The following ANK2 variants were observed in gnomAD, a reference collection of about 807,000 sequenced individuals.
ANK2 encodes the protein ankyrin 2.
In ANK2, 83 loss-of-function variants were observed where a neutral mutation model predicts 360.5. The ratio of observed to expected loss-of-function variants is 0.23; its 90% CI spans 0.19 to 0.28. The LOEUF (loss-of-function observed/expected upper bound fraction) is 0.28. Ranked by LOEUF, ANK2 falls within the 10% of genes least tolerant of loss-of-function variation. ANK2 has a pLI of 1.00. For synonymous variants in ANK2, 1,740 were observed against 1,759.5 expected, an observed-to-expected ratio of 0.99 and a Z score of 0.28; for missense variants, 4,201 against 4,795.7, an observed-to-expected ratio of 0.88 and a Z score of 3.66.
chr4:113,261,164 G>A (rs902395593), intron 13 of ANK2, among the ~76,000 whole-genome samples: 1 of 152,026 alleles, frequency 6.6e-6, no homozygotes, highest in Non-Finnish European at 1.5e-5. Flanking sequence ...AGGTGTACCA[G>A]TAACTCAATC....
chr4:113,323,118 G>A (rs1228206737), intron 26 of ANK2, among the ~76,000 whole-genome samples: 1 of 152,016 alleles, frequency 6.6e-6, no homozygotes, highest in Non-Finnish European at 1.5e-5. Flanking sequence ...AAGAGTGAAA[G>A]GTAGAACTAT....
chr4:113,196,314 C>A, intron 2 of ANK2, 54 bp from the exon 3 acceptor site: 3 of 1,234,640 alleles, frequency 2.4e-6, no homozygotes, highest in Non-Finnish European at 3.5e-6. Flanking sequence ...AGGATCAGGG[C>A]ACTATTTTCC....
intron 2 of ANK2, among the ~76,000 whole-genome samples, chr4:113,195,823 G>GT (rs2098738601): frequency 6.6e-6 from 1 of 152,134 alleles, no homozygotes; most frequent in Non-Finnish European, 1.5e-5. Context: ...TTTCTTCTAA[G>GT]TTTTTTCCAA....
the ANK2 span, among the ~76,000 whole-genome samples, chr4:112,780,995 T>TA: frequency 2.0e-5 from 3 of 152,190 alleles, no homozygotes; most frequent in African/African-American, 7.2e-5. Flanking sequence ...TTTTCTTTCT[T>TA]AAAAAAAGTT....
At chr4:112,727,534 A>G in the ANK2 span, among the ~76,000 whole-genome samples, 1 of 151,924 alleles carries the variant, frequency 6.6e-6, no homozygotes, top group African/African-American at 2.4e-5. Context: ...AACTAGAAAG[A>G]TAAAAAAGAT....
At chr4:113,348,337 C>A in intron 36 of ANK2, 29 bp downstream of exon 36, 3 of 1,608,656 alleles carry the variant, frequency 1.9e-6, no homozygotes, top group Non-Finnish European at 2.6e-6. Context: ...CACTTGTTAT[C>A]GGCTGTGTCA....
intron 2 of ANK2, among the ~76,000 whole-genome samples, chr4:112,937,158 G>A (rs540655962): frequency 6.6e-6 from 1 of 152,194 alleles, no homozygotes; most frequent in South Asian, 2.1e-4. Context: ...GGTTCTGAAA[G>A]CTTACAAGTA....
the ANK2 span, among the ~76,000 whole-genome samples, chr4:112,732,103 T>C: frequency 6.6e-6 from 1 of 152,232 alleles, no homozygotes; most frequent in Non-Finnish European, 1.5e-5. Flanking sequence ...GCTACAAAGC[T>C]ACAGAGCTTT....
rs554967534 is a variant in ANK2 at position 113,220,561 on chromosome 4, T to C, written c.385-11600T>C. ...TATGATTTTTAAAATATTCATTTGC[T>C]TTCTTATTTTTTGTTTGGAAATCCA... On this transcript the variant is annotated intron_variant, in intron 4 of 45. Coordinates refer to ENST00000357077, the MANE Select transcript of ANK2 (RefSeq NM_001148.6). 5.2e-5 allele frequency among the ~76,000 whole-genome samples: 8 copies of C among 152,386 alleles called. No individual in the cohort carries two copies. In the South Asian group the frequency reaches 1.7e-3, roughly 32 times the overall value.
intron 2 of ANK2, among the ~76,000 whole-genome samples, chr4:112,908,947 G>A (rs868845778): frequency 3.3e-5 from 5 of 152,168 alleles, no homozygotes; most frequent in Non-Finnish European, 4.4e-5. Flanking sequence ...AAAAGGAAAT[G>A]AGAATAATTA....
At position 113,343,046 on chromosome 4, in the gene ANK2, T is replaced by C. The variant is rs116128106; in HGVS notation, c.4152T>C (p.Asp1384=). 1,324 of 1,614,048 alleles carry C rather than the reference T, an allele frequency of 8.2e-4. 11 individuals carry two copies. The African/African-American group carries it at 8.3e-3, about 10-fold the overall frequency. ...TAGAAGGAAAACCCATCTACGTTGA[T>C]TGTTTCGGCAACTTGGTACCATTAA... ...EVLEGKPIYV[D]CFGNLVPLTK... is the part of the protein sequence containing the mutation. Residue 1384 remains aspartate (D), a synonymous_variant, in exon 34 of 46, where the codon GAT becomes GAC. Transcript: ENST00000357077.
intron 2 of ANK2, among the ~76,000 whole-genome samples, chr4:112,911,993 C>T (rs1366663999): frequency 1.3e-5 from 2 of 151,714 alleles, no homozygotes; most frequent in Non-Finnish European, 2.9e-5. Flanking sequence ...CTGGCTAACA[C>T]AGTGAAACCC....
At chr4:112,916,061 G>A (rs577419239) in intron 2 of ANK2, among the ~76,000 whole-genome samples, 24 of 152,078 alleles carry the variant, frequency 1.6e-4, no homozygotes, top group Admixed American at 1.3e-4. Context: ...AAACTGTTGT[G>A]TGAGTTTCAT....
At chr4:113,060,904 C>T (rs896994694) in intron 1 of ANK2, among the ~76,000 whole-genome samples, 1 of 152,010 alleles carries the variant, frequency 6.6e-6, no homozygotes, top group Admixed American at 6.6e-5. Context: ...GGCTGACACC[C>T]TTAGCATAGC....
At chr4:112,780,007 G>C in the ANK2 span, among the ~76,000 whole-genome samples, 5 of 152,132 alleles carry the variant, frequency 3.3e-5, no homozygotes, top group Admixed American at 3.3e-4. Context: ...CGGATCATCT[G>C]AAGTCAGGAG....
At chr4:112,865,692 A>G (rs929007063) in intron 1 of ANK2, among the ~76,000 whole-genome samples, 22 of 152,222 alleles carry the variant, frequency 1.4e-4, no homozygotes, top group African/African-American at 5.3e-4. Context: ...TACTGTATCT[A>G]ATCTAATTAT....
the ANK2 span, among the ~76,000 whole-genome samples, chr4:112,774,120 C>A: frequency 6.6e-6 from 1 of 151,990 alleles, no homozygotes; most frequent in African/African-American, 2.4e-5. Context: ...CTTGAGCCAC[C>A]GCGCCCAGCC....
upstream of ANK2, chr4:113,049,618 C>G: frequency 2.1e-5 from 30 of 1,414,174 alleles, no homozygotes; most frequent in East Asian, 1.5e-4. Context: ...CGCGCCCCTT[C>G]CCCACCCCTC....
chr4:112,723,295 C>T, the ANK2 span, among the ~76,000 whole-genome samples: 3 of 152,192 alleles, frequency 2.0e-5, no homozygotes, highest in Non-Finnish European at 4.4e-5. Context: ...GATCCTCCCA[C>T]TTTAGCCTCC....
Sources: allele counts gnomAD v4.1 joint callset (sites outside exome capture counted in the v4.1 genomes callset), GRCh38; gene constraint gnomAD v4.1.1; transcripts MANE v1.5; gene names NCBI Gene and HGNC (gene_info 2026-07-23, HGNC 2026-07-21).